The following ITGA4 variants were observed in gnomAD, a reference collection of about 807,000 sequenced individuals.
ITGA4 encodes integrin alpha-4.
In ITGA4, 63 loss-of-function variants were observed where a neutral mutation model predicts 133.6. The ratio of observed to expected loss-of-function variants is 0.47; its 90% CI spans 0.38 to 0.58. ITGA4 has a LOEUF of 0.58. ITGA4 is among the 20% of genes least tolerant of loss of function. The pLI is 0.00. For missense variants in ITGA4, 1,076 were observed against 1,252.7 expected, an observed-to-expected ratio of 0.86 and a Z score of 2.13; for synonymous variants, 483 against 438.0, an observed-to-expected ratio of 1.10 and a Z score of -1.28.
chr2:181,471,696 C>A (rs965374508), intron 2 of ITGA4, among the ~76,000 whole-genome samples: 1 of 152,160 alleles, frequency 6.6e-6, no homozygotes, highest in Non-Finnish European at 1.5e-5. Flanking sequence ...CCCACCCCAC[C>A]AATTTCCCAC....
At chr2:181,464,819 A>G (rs1339385485) in intron 2 of ITGA4, among the ~76,000 whole-genome samples, 1 of 152,110 alleles carries the variant, frequency 6.6e-6, no homozygotes, top group Non-Finnish European at 1.5e-5. Context: ...ACTGTCTTTA[A>G]AAGCAGGGAT....
At chr2:181,473,877 CATT>C (rs1685612825) in intron 2 of ITGA4, among the ~76,000 whole-genome samples, 1 of 152,134 alleles carries the variant, frequency 6.6e-6, no homozygotes, top group Non-Finnish European at 1.5e-5. Context: ...TAGGGGTCAA[CATT>C]ATAGGAGGAG....
intron 15 of ITGA4, among the ~76,000 whole-genome samples, chr2:181,509,043 G>A (rs1686449259): frequency 6.7e-6 from 1 of 148,224 alleles, no homozygotes; most frequent in Non-Finnish European, 1.5e-5. Context: ...TCTGAAGGCT[G>A]AAGCAGAAGG....
intron 2 of ITGA4, among the ~76,000 whole-genome samples, chr2:181,460,482 C>G (rs1033966773): frequency 2.0e-5 from 3 of 151,474 alleles, no homozygotes; most frequent in African/African-American, 7.3e-5. Context: ...ATTTAGGATT[C>G]TTAGGTTTGT....
chr2:181,538,273 CTTA>C lies in ITGA4; in HGVS notation c.*2749_*2751del. On this transcript the variant is annotated 3_prime_UTR_variant, in exon 28 of 28. Coordinates refer to ENST00000397033, the MANE Select transcript of ITGA4 (RefSeq NM_000885.6). Reference sequence around the variant, plus strand: ...TAAAGAAAATACATTATTTCATCAACTTATTTTGTTGTTTTTCACATACACCTA... The same window carrying C: ...TAAAGAAAATACATTATTTCATCAACTTTTGTTGTTTTTCACATACACCTA... 5.6e-6 allele frequency: 8 copies of C among 1,416,114 alleles called. No homozygotes were observed. The highest frequency in any genetic ancestry group is 3.0e-6 in the Non-Finnish European group (3 of 1,002,456). The allele number at this position is 1,416,114 out of a possible 1,614,324, so 87.7% of individuals were successfully genotyped here. A position where few individuals can be genotyped will look rare whatever the true frequency, so the allele number is the denominator to read the frequency against.
chr2:181,494,626 G>T, intron 11 of ITGA4, 96 bp from the exon 12 acceptor site: 2 of 739,856 alleles, frequency 2.7e-6, no homozygotes, highest in South Asian at 3.1e-5. Flanking sequence ...ATGTGCCAAG[G>T]CATGCCTGGG....
At chr2:181,519,140 A>G (rs557869642) in intron 17 of ITGA4, among the ~76,000 whole-genome samples, 1 of 152,128 alleles carries the variant, frequency 6.6e-6, no homozygotes, top group Non-Finnish European at 1.5e-5. Flanking sequence ...AATGATAAGA[A>G]ACATTTTACA....
At chr2:181,533,088 A>G (rs1456787674) in intron 25 of ITGA4, among the ~76,000 whole-genome samples, 1 of 152,206 alleles carries the variant, frequency 6.6e-6, no homozygotes, top group Non-Finnish European at 1.5e-5. Flanking sequence ...TATATCTTGG[A>G]CTTTTTCCTA....
rs1685144424 is a variant in ITGA4, at chr2:181,457,403, C to T, written c.-252C>T. 3 of 456,632 alleles carry T rather than the reference C, an allele frequency of 6.6e-6. No homozygotes were observed. Among genetic ancestry groups the T allele is most frequent in the Non-Finnish European group, 1.2e-5 (3 of 255,638 alleles). The allele number at this position is 456,632 out of a possible 1,614,324, so 28.3% of individuals were successfully genotyped here. A position where few individuals can be genotyped will look rare whatever the true frequency, so the allele number is the denominator to read the frequency against. Reference sequence around the variant, plus strand: ...TACCCGGAGAAGCAGCGCGAGCACCCGAAGCTCCCGGCTGGCGGCAGAAAC... The same window carrying T: ...TACCCGGAGAAGCAGCGCGAGCACCTGAAGCTCCCGGCTGGCGGCAGAAAC... On this transcript the variant is annotated 5_prime_UTR_variant, in exon 1 of 28. Coordinates refer to ENST00000397033, the MANE Select transcript of ITGA4 (RefSeq NM_000885.6).
chr2:181,538,307 T>C lies in ITGA4; in HGVS notation c.*2780T>C. ...TTGTTTTTCACATACACCTAATAAG[T>C]ATGGTACACAATGCCAATGCCAAAT... is the stretch of plus-strand genomic sequence containing the variant. On this transcript the variant is annotated 3_prime_UTR_variant, in exon 28 of 28. Coordinates refer to ENST00000397033, the MANE Select transcript of ITGA4 (RefSeq NM_000885.6). 1.1e-6 allele frequency: 1 copy of C among 935,270 alleles called. No homozygotes were observed. The highest frequency in any genetic ancestry group is 2.4e-5 in the East Asian group (1 of 41,618). 57.9% of individuals were successfully genotyped at this position (935,270 alleles called of 1,614,324 possible).
intron 4 of ITGA4, among the ~76,000 whole-genome samples, chr2:181,476,962 G>C (rs1441113244): frequency 2.0e-5 from 3 of 152,036 alleles, no homozygotes; most frequent in African/African-American, 7.2e-5. Context: ...ACAAACACTA[G>C]GGCCTACCTG....
At chr2:181,462,900 C>T (rs1265534373) in intron 2 of ITGA4, among the ~76,000 whole-genome samples, 1 of 152,180 alleles carries the variant, frequency 6.6e-6, no homozygotes. Flanking sequence ...TTTATCCATT[C>T]AGTTGTTCAT....
Position 181,538,859 on chromosome 2 carries a change from T to C in ITGA4, c.*3332T>C, listed in dbSNP as rs926772199. Reference sequence around the variant, plus strand: ...GCACAACAATAAATTAGAAAGCCAATGTAGACACGCATAACCAAAGAAAAT... The same window carrying C: ...GCACAACAATAAATTAGAAAGCCAACGTAGACACGCATAACCAAAGAAAAT... On this transcript the variant is annotated 3_prime_UTR_variant, in exon 28 of 28. Transcript: ENST00000397033. 2.0e-5 allele frequency among the ~76,000 whole-genome samples: 3 copies of C among 152,206 alleles called. No individual in the cohort carries two copies. Among genetic ancestry groups the C allele is most frequent in the Non-Finnish European group, 4.4e-5 (3 of 68,036 alleles).
In ITGA4 at chr2:181,481,603, T is replaced by C; in HGVS notation, c.760T>C (p.Ser254Pro). The C allele has an allele frequency of 6.3e-7, 1 of 1,586,056 alleles. No individual in the cohort carries two copies. Among genetic ancestry groups the C allele is most frequent in the Non-Finnish European group, 8.6e-7 (1 of 1,157,968 alleles). Reference sequence around the variant, plus strand: ...CTTTCTCCCTTTTCTTAAAGGATATTCAGTCGGAGCTGGTCATTTTCGGAG... The same window carrying C: ...CTTTCTCCCTTTTCTTAAAGGATATCCAGTCGGAGCTGGTCATTTTCGGAG... ...QVKFGSYLGY[S>P]VGAGHFRSQH... Residue 254 changes from serine to proline, a missense_variant, in exon 7 of 28, where the codon TCA (serine) becomes CCA (proline). This residue lies in a region of ITGA4 where 436 missense variants were observed against 590.7 expected (regional missense o/e 0.74). Transcript: ENST00000397033.
chr2:181,531,059 G>A (rs1475056400), intron 24 of ITGA4, among the ~76,000 whole-genome samples: 2 of 151,920 alleles, frequency 1.3e-5, no homozygotes, highest in African/African-American at 2.4e-5. Flanking sequence ...AGGTTGCAGT[G>A]AGCCGAGATC....
Position 181,534,333 on chromosome 2 carries a change from G to A in ITGA4, c.2846G>A (p.Arg949Lys). The change falls in exon 26 of 28, where the codon AGA (arginine) becomes AAA (lysine). Residue 949 changes from arginine to lysine, a missense_variant. This residue lies in a region of ITGA4 where 193 missense variants were observed against 172.3 expected (regional missense o/e 1.12). Coordinates refer to ENST00000397033, the MANE Select transcript of ITGA4 (RefSeq NM_000885.6). ...RATGFPEPNP[R>K]VIELNKDENV... is the part of the protein sequence containing the mutation. ...ACAGGTTTTCCAGAGCCAAATCCAA[G>A]AGTAATTGAACTAAACAAGGATGAG... 6.2e-7 allele frequency: 1 copy of A among 1,609,494 alleles called. No homozygotes were observed. Among genetic ancestry groups the A allele is most frequent in the Non-Finnish European group, 8.5e-7 (1 of 1,176,090 alleles).
At chr2:181,496,002 G>A in intron 14 of ITGA4, 65 bp downstream of exon 14, 1 of 1,520,292 alleles carries the variant, frequency 6.6e-7, no homozygotes, top group African/African-American at 1.4e-5. Context: ...CCACAATCCT[G>A]CTTGGAGCCC....
chr2:181,486,684 G>A (rs1362633958), intron 10 of ITGA4, among the ~76,000 whole-genome samples: 1 of 152,176 alleles, frequency 6.6e-6, no homozygotes, highest in African/African-American at 2.4e-5. Context: ...AGCATTTACT[G>A]TTAAAAATTT....
At chr2:181,477,506 C>A (rs1240559093) in intron 4 of ITGA4, among the ~76,000 whole-genome samples, 2 of 152,162 alleles carry the variant, frequency 1.3e-5, no homozygotes, top group South Asian at 2.1e-4. Context: ...TAGCAAAAAA[C>A]CAAATAACTG....
Sources: gnomAD v4.1 joint callset for allele counts (sites outside exome capture counted in the v4.1 genomes callset) on GRCh38, gnomAD v4.1.1 for gene constraint, gnomAD v4.1.1 regional missense constraint, MANE v1.5 for transcripts, NCBI Gene and HGNC (gene_info 2026-07-23, HGNC 2026-07-21) for gene names.